ZNF540: variants seen among roughly 807,000 people sequenced by gnomAD.
The protein encoded by ZNF540 is zinc finger protein 540, also known as CTD-3064H18.6.
A neutral mutation model predicts 11.8 loss-of-function variants in ZNF540; 3 were observed. That is an observed-to-expected ratio of 0.25 (90% CI 0.12 to 0.65). ZNF540 has a LOEUF of 0.65. Ranked by LOEUF, ZNF540 falls within the 30% of genes least tolerant of loss-of-function variation. ZNF540 has a pLI of 0.83. For synonymous variants in ZNF540, 247 were observed against 259.0 expected, an observed-to-expected ratio of 0.95 and a Z score of 0.45; for missense variants, 709 against 793.1, an observed-to-expected ratio of 0.89 and a Z score of 1.27.
intron 1 of ZNF540, chr19:37,583,908 T>G: frequency 6.6e-7 from 1 of 1,513,560 alleles, no homozygotes; most frequent in Non-Finnish European, 8.9e-7. Flanking sequence ...GATCAGAAAT[T>G]CACAATGAAT....
At chr19:37,578,060 C>G (rs1371796131) in intron 1 of ZNF540, among the ~76,000 whole-genome samples, 1 of 152,150 alleles carries the variant, frequency 6.6e-6, no homozygotes, top group African/African-American at 2.4e-5. Flanking sequence ...CAGGACGGAT[C>G]TAGGTTGCGG....
Position 37,611,584 on chromosome 19 carries a change from G to C in ZNF540, c.304G>C (p.Glu102Gln). The C allele has an allele frequency of 1.2e-6, 2 of 1,613,204 alleles. No individual in the cohort carries two copies. The highest frequency in any genetic ancestry group is 1.7e-6 in the Non-Finnish European group (2 of 1,179,768). The change falls in exon 5 of 5, where the codon GAG (glutamate) becomes CAG (glutamine). Residue 102 changes from glutamate to glutamine, a missense_variant. Transcript: ENST00000316433. ...CATTCATGAAATCAGTTTATCCAAA[G>C]AGAGTATAATAGAAAAAAGTAAAAC... The part of the protein sequence containing the change: ...KDIHEISLSK[E>Q]SIIEKSKTLR...
At chr19:37,566,467 G>A (rs1300827355) in intron 1 of ZNF540, 10 of 675,734 alleles carry the variant, frequency 1.5e-5, no homozygotes, top group Non-Finnish European at 2.1e-5. Context: ...AGAAAAAGGA[G>A]AGCTTATAGG....
At chr19:37,552,349 G>A (rs745845323) in intron 1 of ZNF540, among the ~76,000 whole-genome samples, 1 of 152,114 alleles carries the variant, frequency 6.6e-6, no homozygotes, top group Admixed American at 6.5e-5. Flanking sequence ...GCTGCTCTTA[G>A]GTGGACTAGT....
At chr19:37,581,454 C>A (rs978342425) in intron 1 of ZNF540, among the ~76,000 whole-genome samples, 3 of 149,856 alleles carry the variant, frequency 2.0e-5, no homozygotes, top group Non-Finnish European at 4.4e-5. Flanking sequence ...ATCTCCATTT[C>A]TTTCTTTCTT....
At chr19:37,578,947 G>A (rs2043346882) in intron 1 of ZNF540, among the ~76,000 whole-genome samples, 1 of 152,130 alleles carries the variant, frequency 6.6e-6, no homozygotes, top group African/African-American at 2.4e-5. Context: ...GTTTGGAAGG[G>A]AGGGAAGGGC....
At position 37,599,874 on chromosome 19, in the gene ZNF540, G is replaced by A. The variant is rs138595255; in HGVS notation, c.136+122G>A. The A allele has an allele frequency of 2.3e-5, 26 of 1,121,872 alleles. No homozygotes were observed. In the East Asian group the frequency reaches 6.1e-4, roughly 27 times the overall value. The allele number at this position is 1,121,872 out of a possible 1,614,324, so 69.5% of individuals were successfully genotyped here. On this transcript the variant is annotated intron_variant, in intron 3 of 4. Coordinates refer to ENST00000316433, the MANE Select transcript of ZNF540 (RefSeq NM_001172225.3). ...ATTTCTTCTCTCTTCCTCAAGGAAT[G>A]GACTGAACTTTGATGGTTTGTGAAT...
At position 37,611,957 on chromosome 19, in the gene ZNF540, A is replaced by G. The variant is rs2044133290; in HGVS notation, c.677A>G (p.His226Arg). The change falls in exon 5 of 5, where the codon CAT becomes CGT. Residue 226 changes from histidine to arginine, a missense_variant. Coordinates refer to ENST00000316433, the MANE Select transcript of ZNF540 (RefSeq NM_001172225.3). The part of the protein sequence containing the change: ...KCEKCGKVFS[H>R]SYQLTLHQRF... ...GAGAAATGTGGGAAAGTTTTTAGTC[A>G]TAGCTATCAACTTACTCTGCATCAG... 6.2e-7 allele frequency: 1 copy of G among 1,613,598 alleles called. No individual in the cohort carries two copies. The highest frequency in any genetic ancestry group is 8.5e-7 in the Non-Finnish European group (1 of 1,179,958).
At chr19:37,566,671 T>C (rs1568343066) in intron 1 of ZNF540, among the ~76,000 whole-genome samples, 1 of 152,144 alleles carries the variant, frequency 6.6e-6, no homozygotes, top group Non-Finnish European at 1.5e-5. Flanking sequence ...CCACCTCTAC[T>C]ACCACCATCC....
intron 3 of ZNF540, among the ~76,000 whole-genome samples, chr19:37,600,512 A>AGCTAATAGAGTGCTTACTATATACCAG (rs1323439257): frequency 6.6e-6 from 1 of 152,212 alleles, no homozygotes; most frequent in African/African-American, 2.4e-5. Context: ...AAATAATAAT[A>AGCTAATAGAGTGCTTACTATATACCAG]GCTAATAGAG....
intron 1 of ZNF540, among the ~76,000 whole-genome samples, chr19:37,582,209 C>G (rs1464364226): frequency 6.6e-6 from 1 of 152,176 alleles, no homozygotes; most frequent in Non-Finnish European, 1.5e-5. Flanking sequence ...TTTAAATACT[C>G]CACAATGAGG....
chr19:37,598,547 A>AT, intron 2 of ZNF540, 91 bp downstream of exon 2: 2 of 1,470,596 alleles, frequency 1.4e-6, no homozygotes, highest in Non-Finnish European at 1.9e-6. Context: ...CTTCCTAAGA[A>AT]TTTTTTCTTC....
At chr19:37,597,424 G>GT (rs1398098213) in intron 1 of ZNF540, 1 of 152,132 alleles carries the variant, frequency 6.6e-6, no homozygotes, top group Non-Finnish European at 1.5e-5. Flanking sequence ...TGTTTCTTTG[G>GT]TTTTTTGTTT....
rs200074490 is a variant in ZNF540 at position 37,563,527 on chromosome 19, A to AAT, written c.-73+11871_-73+11872dup. 733 of 152,122 alleles carry AAT rather than the reference A, an allele frequency of 4.8e-3. 8 individuals carry two copies. The highest frequency in any genetic ancestry group is 0.016 in the African/African-American group (683 of 41,504). The allele number at this position is 152,122 out of a possible 1,614,324, so 9.4% of individuals were successfully genotyped here. A position where few individuals can be genotyped will look rare whatever the true frequency, so the allele number is the denominator to read the frequency against. Reference sequence around the variant, plus strand: ...TATACACACACACATATACATATGGAATATATATATGGAATACATATGTGG... The same window carrying AAT: ...TATACACACACACATATACATATGGAATATATATATATGGAATACATATGTGG... On this transcript the variant is annotated intron_variant, in intron 1 of 4. Coordinates refer to the ZNF540 transcript ENST00000592533.
rs75707352 is a variant in ZNF540, at chr19:37,582,332, T to A, written c.-72-16044T>A. ...CCTCTTACTTGAACTCCTAGCATTA[T>A]CTCTCTCAGCTAACTGCTTCCTCCT... On this transcript the variant is annotated intron_variant, in intron 1 of 4. Transcript: ENST00000592533. 3.8e-3 allele frequency among the ~76,000 whole-genome samples: 582 copies of A among 152,314 alleles called. 1 individual carries two copies. The highest frequency in any genetic ancestry group is 6.5e-3 in the Non-Finnish European group (444 of 68,022).
At chr19:37,556,300 G>T in intron 1 of ZNF540, 1 of 595,012 alleles carries the variant, frequency 1.7e-6, no homozygotes, top group South Asian at 2.1e-5. Flanking sequence ...GACATAACAG[G>T]CAAAAACAAA....
chr19:37,553,113 C>CTTTTTTTTTTTTTTT lies in ZNF540; in HGVS notation c.-73+1472_-73+1486dup, dbSNP rs746114598. The stretch of plus-strand genomic sequence containing the variant: ...AATCTTTTTTTATATAACCTAACAT[C>CTTTTTTTTTTTTTTT]TTTTTTTTTTTTTTTTTTTTTTTTT... On this transcript the variant is annotated intron_variant, in intron 1 of 4. Coordinates refer to the ZNF540 transcript ENST00000592533. Among the ~76,000 whole-genome samples, 4 of 33,098 alleles carry CTTTTTTTTTTTTTTT rather than the reference C, an allele frequency of 1.2e-4. 2 individuals are homozygous for CTTTTTTTTTTTTTTT. Among genetic ancestry groups the CTTTTTTTTTTTTTTT allele is most frequent in the Non-Finnish European group, 2.2e-4 (4 of 18,168 alleles). 21.7% of individuals were successfully genotyped at this position (33,098 alleles called of 152,430 possible).
At chr19:37,570,776 AAT>A (rs1449551394) in intron 1 of ZNF540, among the ~76,000 whole-genome samples, 1 of 152,228 alleles carries the variant, frequency 6.6e-6, no homozygotes, top group Non-Finnish European at 1.5e-5. Context: ...CAAACTTCTG[AAT>A]AGTCTCCTAT....
intron 1 of ZNF540, chr19:37,584,941 G>C (rs1391190793): frequency 6.9e-6 from 1 of 144,640 alleles, no homozygotes; most frequent in Non-Finnish European, 1.5e-5. Context: ...TCCCGCCTGG[G>C]CCACAGAGCG....
Sources: gnomAD v4.1 joint callset for allele counts (sites outside exome capture counted in the v4.1 genomes callset) on GRCh38, gnomAD v4.1.1 for gene constraint, MANE v1.5 for transcripts, NCBI Gene and HGNC (gene_info 2026-07-23, HGNC 2026-07-21) for gene names.